Variants in GABRG2 observed in about 807,000 individuals in gnomAD.
GABRG2 encodes gamma-aminobutyric acid receptor subunit gamma-2.
Under a neutral mutation model 56.4 loss-of-function variants are expected in GABRG2, and 16 were observed. The observed-to-expected ratio is 0.28, with a 90% confidence interval of 0.19 to 0.43. GABRG2 has a LOEUF of 0.43. Among genes scored for constraint, GABRG2 ranks in the 20% least tolerant of loss-of-function variants. The pLI is 1.00. For missense variants in GABRG2, 327 were observed against 582.7 expected (o/e 0.56, Z 4.52); for synonymous variants, 208 against 205.5 (o/e 1.01, Z -0.10).
At chr5:162,109,388 TAATATATATATA>T (rs1402954591) in intron 6 of GABRG2, among the ~76,000 whole-genome samples, 2 of 39,168 alleles carry the variant, frequency 5.1e-5, no homozygotes, top group African/African-American at 1.8e-4. Flanking sequence ...ACTTAAAGTA[TAATATATATATA>T]TATATATATA....
rs368671647 is a variant in GABRG2 at position 162,137,959 on chromosome 5, T to G, written c.770-4205T>G. ...TTTTTTTGTAGTGATAGATTTTCAC[T>G]ACGTTGCCCAGGCTGGTGTTGAACT... is the stretch of plus-strand genomic sequence containing the variant. On this transcript the variant is annotated intron_variant, in intron 6 of 9. Transcript: ENST00000639213. Among the ~76,000 whole-genome samples the G allele has an allele frequency of 2.0e-5, 3 of 151,588 alleles. No individual in the cohort carries two copies. The East Asian group carries it at 5.8e-4, about 29-fold the overall frequency.
rs1367583506 is a variant in GABRG2 at position 162,155,420 on chromosome 5, T to C, written c.*2052T>C. On this transcript the variant is annotated 3_prime_UTR_variant, in exon 10 of 10. Coordinates refer to ENST00000639213, the MANE Select transcript of GABRG2 (RefSeq NM_198904.4). ...ATATGAATATATATTATATATAATC[T>C]AATACTTATTATAAGCTGCTCCCTG... 1.3e-5 allele frequency: 2 copies of C among 152,480 alleles called. No individual in the cohort carries two copies. The highest frequency in any genetic ancestry group is 1.3e-4 in the Admixed American group (2 of 15,226). 9.4% of individuals were successfully genotyped at this position (152,480 alleles called of 1,614,324 possible).
chr5:162,101,309 T>G lies in GABRG2; in HGVS notation c.623T>G (p.Phe208Cys). 1 of 1,601,650 alleles carries G rather than the reference T, an allele frequency of 6.2e-7. No homozygotes were observed. The highest frequency in any genetic ancestry group is 8.6e-7 in the Non-Finnish European group (1 of 1,169,148). Residue 208 changes from phenylalanine (F) to cysteine (C), a missense_variant, in exon 5 of 10, where the codon TTC (phenylalanine) becomes TGC (cysteine). Physicochemically the swap from Phe to Cys is radical, Grantham distance 205. This residue lies in a region of GABRG2 where 104 missense variants were observed against 209.3 expected (regional missense o/e 0.50). Transcript: ENST00000639213. Reference protein sequence around the residue: ...PMDEHSCPLEFSSYGYPREEI... With the variant: ...PMDEHSCPLECSSYGYPREEI... ...GATGAACACTCCTGCCCCTTGGAGTTCTCCAGTTGTAAGTAATATTCCTTC... is the reference window on the plus strand; with the variant it reads ...GATGAACACTCCTGCCCCTTGGAGTGCTCCAGTTGTAAGTAATATTCCTTC...
chr5:162,151,948 C>T (rs1765404679), intron 9 of GABRG2, 195 bp downstream of exon 9: 1 of 502,726 alleles, frequency 2.0e-6, no homozygotes, highest in Non-Finnish European at 3.5e-6. Context: ...TTTAATCTTA[C>T]ACCAAGCCCA....
At chr5:162,086,009 G>A (rs572087239) in intron 1 of GABRG2, among the ~76,000 whole-genome samples, 1 of 151,002 alleles carries the variant, frequency 6.6e-6, no homozygotes, top group South Asian at 2.1e-4. Context: ...TTGATTCCAT[G>A]TCTTTGCCAT....
intron 6 of GABRG2, among the ~76,000 whole-genome samples, chr5:162,113,000 C>T (rs1167539942): frequency 1.3e-5 from 2 of 151,836 alleles, no homozygotes; most frequent in Non-Finnish European, 1.5e-5. Flanking sequence ...TTACCCAGGC[C>T]GGAGTGCAGT....
At chr5:162,131,361 T>G (rs1450163957) in intron 6 of GABRG2, among the ~76,000 whole-genome samples, 1 of 152,042 alleles carries the variant, frequency 6.6e-6, no homozygotes, top group Non-Finnish European at 1.5e-5. Context: ...GCACGCTGTT[T>G]CACAAAAATC....
chr5:162,104,044 A>T lies in GABRG2; in HGVS notation c.769+18A>T. On this transcript the variant is annotated intron_variant, in intron 6 of 9. Transcript: ENST00000639213. ...AACTTCCGGTAAGATGCACTGGCAAAGAATTTCAAGTGACCCTTCCAGAGT... is the reference window on the plus strand; with the variant it reads ...AACTTCCGGTAAGATGCACTGGCAATGAATTTCAAGTGACCCTTCCAGAGT... 6.2e-7 allele frequency: 1 copy of T among 1,613,702 alleles called. No individual in the cohort carries two copies. Among genetic ancestry groups the T allele is most frequent in the Non-Finnish European group, 8.5e-7 (1 of 1,179,710 alleles).
Position 162,081,456 on chromosome 5 carries a change from G to A in GABRG2, c.108-12372G>A, listed in dbSNP as rs191703105. ...CAAATCAGTATTCTTGGTTTGAGTG[G>A]TACTTATGGTACTCACAAGAACAAA... On this transcript the variant is annotated intron_variant, in intron 1 of 9. Coordinates refer to ENST00000639213, the MANE Select transcript of GABRG2 (RefSeq NM_198904.4). 4.2e-4 allele frequency among the ~76,000 whole-genome samples: 64 copies of A among 151,988 alleles called. 2 individuals are homozygous for A. The East Asian group carries it at 7.2e-3, about 17-fold the overall frequency.
At chr5:162,077,693 G>A (rs900674848) in intron 1 of GABRG2, among the ~76,000 whole-genome samples, 4 of 152,178 alleles carry the variant, frequency 2.6e-5, no homozygotes, top group African/African-American at 9.7e-5. Context: ...TTATTTTGCA[G>A]TGTCTGAGGA....
At position 162,153,076 on chromosome 5, in the gene GABRG2, C is replaced by G; in HGVS notation, c.1153-17C>G. On this transcript the variant is annotated splice_polypyrimidine_tract_variant and intron_variant, in intron 9 of 9. Transcript: ENST00000639213. ...GAACAACTAACTGATCCCTCTCCTT[C>G]CCTACCCTCGTCCCAGGCCCCTACC... 1 of 1,613,880 alleles carries G rather than the reference C, an allele frequency of 6.2e-7. No homozygotes were observed. Among genetic ancestry groups the G allele is most frequent in the Non-Finnish European group, 8.5e-7 (1 of 1,179,848 alleles).
chr5:162,077,073 C>CTGTGTGTG lies in GABRG2; in HGVS notation c.107+8998_107+9005dup, dbSNP rs55938019. Among the ~76,000 whole-genome samples the CTGTGTGTG allele has an allele frequency of 4.9e-3, 721 of 146,720 alleles. 4 individuals are homozygous for CTGTGTGTG. The highest frequency in any genetic ancestry group is 0.012 in the African/African-American group (484 of 39,476). On this transcript the variant is annotated intron_variant, in intron 1 of 9. Coordinates refer to ENST00000639213, the MANE Select transcript of GABRG2 (RefSeq NM_198904.4). ...GTATGCAGTATTATAACAACTACCC[C>CTGTGTGTG]TGTGTGTGTGTGTGTGTGTGTGTGT... is the stretch of plus-strand genomic sequence containing the variant.
intron 4 of GABRG2, among the ~76,000 whole-genome samples, chr5:162,100,896 A>T (rs1053583647): frequency 6.6e-6 from 1 of 152,212 alleles, no homozygotes; most frequent in Non-Finnish European, 1.5e-5. Context: ...AGTTCTTAAA[A>T]CAGTTGGCTC....
At chr5:162,129,498 G>A (rs899018487) in intron 6 of GABRG2, among the ~76,000 whole-genome samples, 6 of 151,632 alleles carry the variant, frequency 4.0e-5, no homozygotes, top group African/African-American at 1.2e-4. Context: ...AAAAATGATA[G>A]TAACATTCAA....
intron 7 of GABRG2, chr5:162,143,060 C>T (rs1764699979): frequency 2.6e-5 from 4 of 152,144 alleles, no homozygotes; most frequent in Admixed American, 2.6e-4. Flanking sequence ...GGATAATATG[C>T]TGAAGCTGCT....
At chr5:162,152,956 G>A (rs1232048424) in intron 9 of GABRG2, 137 bp from the exon 10 acceptor site, 8 of 1,032,418 alleles carry the variant, frequency 7.7e-6, no homozygotes, top group Non-Finnish European at 8.9e-6. Flanking sequence ...TTTTACCATT[G>A]TAGATCATGA....
intron 9 of GABRG2, chr5:162,152,709 A>AT (rs1331727737): frequency 4.5e-6 from 2 of 442,370 alleles, no homozygotes; most frequent in South Asian, 3.2e-5. Context: ...GAATTGATGC[A>AT]TTTTTATTTC....
At position 162,107,819 on chromosome 5, in the gene GABRG2, C is replaced by T. The variant is rs148850226; in HGVS notation, c.769+3793C>T. Among the ~76,000 whole-genome samples the T allele has an allele frequency of 3.4e-3, 513 of 152,198 alleles. 2 individuals are homozygous for T. Among genetic ancestry groups the T allele is most frequent in the African/African-American group, 0.012 (499 of 41,518 alleles). On this transcript the variant is annotated intron_variant, in intron 6 of 9. Coordinates refer to ENST00000639213, the MANE Select transcript of GABRG2 (RefSeq NM_198904.4). ...TCCCACATCTAATGAATCATGAAGG[C>T]ACTTATGCTTCTGAAATATCTTGTG...
At chr5:162,082,684 A>T (rs1407930139) in intron 1 of GABRG2, among the ~76,000 whole-genome samples, 1 of 151,736 alleles carries the variant, frequency 6.6e-6, no homozygotes, top group Non-Finnish European at 1.5e-5. Flanking sequence ...GAATGAACAC[A>T]AATTTCTATA....
Sources: gnomAD v4.1 joint callset for allele counts (sites outside exome capture counted in the v4.1 genomes callset) on GRCh38, gnomAD v4.1.1 for gene constraint, gnomAD v4.1.1 regional missense constraint, MANE v1.5 for transcripts, NCBI Gene and HGNC (gene_info 2026-07-23, HGNC 2026-07-21) for gene names.